Variants in DOCK4 observed in about 807,000 individuals in gnomAD.
The protein encoded by DOCK4 is dedicator of cytokinesis protein 4.
DOCK4 carries 97 observed loss-of-function variants against 268.1 expected under a neutral mutation model. The ratio of observed to expected loss-of-function variants is 0.36; its 90% CI spans 0.31 to 0.43. The LOEUF is 0.43. DOCK4 is among the 20% of genes least tolerant of loss of function. DOCK4 has a pLI of 1.00. For missense variants in DOCK4, 2,145 were observed against 2,455.7 expected (o/e 0.87, Z 2.67); for synonymous variants, 954 against 887.2 (o/e 1.08, Z -1.34).
intron 8 of DOCK4, among the ~76,000 whole-genome samples, chr7:111,954,559 C>T (rs1044693613): frequency 6.6e-6 from 1 of 152,082 alleles, no homozygotes; most frequent in Admixed American, 6.6e-5. Context: ...AGTCCCAAGG[C>T]GCAAGACCCA....
intron 1 of DOCK4, among the ~76,000 whole-genome samples, chr7:112,010,296 CTGG>C (rs1325194781): frequency 6.6e-6 from 1 of 152,202 alleles, no homozygotes; most frequent in Non-Finnish European, 1.5e-5. Flanking sequence ...TTCTAGCTGT[CTGG>C]GACAGGGCTG....
chr7:112,184,851 C>A (rs1188084926), intron 1 of DOCK4, among the ~76,000 whole-genome samples: 1 of 152,130 alleles, frequency 6.6e-6, no homozygotes, highest in Non-Finnish European at 1.5e-5. Flanking sequence ...TCACAACCAA[C>A]AATTTTAACT....
intron 17 of DOCK4, among the ~76,000 whole-genome samples, chr7:111,874,795 C>A (rs1378809656): frequency 6.6e-6 from 1 of 152,226 alleles, no homozygotes; most frequent in Non-Finnish European, 1.5e-5. Context: ...AGGTGCCCAG[C>A]ATAGTGCTCT....
intron 8 of DOCK4, among the ~76,000 whole-genome samples, chr7:111,949,340 T>C (rs1380784652): frequency 6.6e-6 from 1 of 152,196 alleles, no homozygotes; most frequent in East Asian, 1.9e-4. Context: ...CAATTCCATA[T>C]CTGTACATTT....
intron 42 of DOCK4, among the ~76,000 whole-genome samples, chr7:111,752,128 C>T (rs539961848): frequency 1.3e-5 from 2 of 152,240 alleles, no homozygotes; most frequent in Non-Finnish European, 2.9e-5. Context: ...AGTGATATGA[C>T]ATCTGAGATT....
At chr7:112,028,610 C>A (rs1392724066) in intron 1 of DOCK4, among the ~76,000 whole-genome samples, 1 of 152,180 alleles carries the variant, frequency 6.6e-6, no homozygotes, top group Admixed American at 6.5e-5. Context: ...AACTTTAACT[C>A]CAAAGGAAAG....
At chr7:111,773,256 AAGAT>A (rs775599902) in intron 36 of DOCK4, among the ~76,000 whole-genome samples, 1 of 152,212 alleles carries the variant, frequency 6.6e-6, no homozygotes, top group South Asian at 2.1e-4. Context: ...GAATCCTAGA[AAGAT>A]AGAAAAGTTC....
intron 1 of DOCK4, among the ~76,000 whole-genome samples, chr7:112,117,334 C>T (rs1812269810): frequency 2.0e-5 from 3 of 151,936 alleles, no homozygotes; most frequent in African/African-American, 4.8e-5. Context: ...TACAACCATG[C>T]TACCACTTTT....
intron 24 of DOCK4, among the ~76,000 whole-genome samples, chr7:111,845,849 G>A (rs567089253): frequency 6.6e-6 from 1 of 152,148 alleles, no homozygotes; most frequent in Non-Finnish European, 1.5e-5. Flanking sequence ...TTTACTCTCA[G>A]CAATTATAAT....
intron 6 of DOCK4, among the ~76,000 whole-genome samples, chr7:111,988,690 T>C (rs1432586301): frequency 6.6e-6 from 1 of 152,206 alleles, no homozygotes; most frequent in African/African-American, 2.4e-5. Context: ...ATGCCAAACC[T>C]AAAGCCTATT....
intron 32 of DOCK4, among the ~76,000 whole-genome samples, chr7:111,786,866 A>G (rs2133784639): frequency 6.6e-6 from 1 of 152,350 alleles, no homozygotes; most frequent in African/African-American, 2.4e-5. Flanking sequence ...CTCAGGTAGT[A>G]ATGACACTTA....
intron 26 of DOCK4, among the ~76,000 whole-genome samples, chr7:111,830,242 A>T (rs1341098346): frequency 6.6e-6 from 1 of 152,138 alleles, no homozygotes; most frequent in African/African-American, 2.4e-5. Flanking sequence ...CCTGGCCAAC[A>T]TGGTGAAACC....
At chr7:111,922,838 C>G (rs1253635506) in intron 12 of DOCK4, among the ~76,000 whole-genome samples, 1 of 152,186 alleles carries the variant, frequency 6.6e-6, no homozygotes, top group Non-Finnish European at 1.5e-5. Context: ...GCCTCAGCCT[C>G]CCATATTGCT....
intron 12 of DOCK4, among the ~76,000 whole-genome samples, chr7:111,927,773 T>C (rs1211061687): frequency 6.6e-6 from 1 of 152,170 alleles, no homozygotes; most frequent in Admixed American, 6.5e-5. Flanking sequence ...TCAGGACACA[T>C]TACCCTAAAA....
intron 16 of DOCK4, among the ~76,000 whole-genome samples, chr7:111,890,530 T>C (rs1562850814): frequency 1.3e-5 from 2 of 152,206 alleles, no homozygotes; most frequent in Non-Finnish European, 2.9e-5. Flanking sequence ...TGCAAATTTT[T>C]ATAGATTTCA....
intron 44 of DOCK4, among the ~76,000 whole-genome samples, chr7:111,742,522 T>C (rs1795987021): frequency 6.8e-6 from 1 of 146,874 alleles, no homozygotes; most frequent in Non-Finnish European, 1.5e-5. Context: ...CCGGCAATTC[T>C]CCCTTAAAGA....
chr7:111,895,121 CT>C (rs1278784682), intron 16 of DOCK4, among the ~76,000 whole-genome samples: 5 of 152,148 alleles, frequency 3.3e-5, no homozygotes, highest in African/African-American at 1.2e-4. Flanking sequence ...CTACAATACA[CT>C]TTGTTCCAAA....
At chr7:111,745,661 G>C (rs1796209629) in intron 44 of DOCK4, among the ~76,000 whole-genome samples, 1 of 124,370 alleles carries the variant, frequency 8.0e-6, no homozygotes. Context: ...TCCAGCCTGG[G>C]TGACAGAGGG....
At chr7:111,834,714 T>C in intron 25 of DOCK4, 28 bp from the exon 26 acceptor site, 4 of 1,403,720 alleles carry the variant, frequency 2.8e-6, no homozygotes, top group Non-Finnish European at 2.9e-6. Context: ...AAAGCATACA[T>C]TTTATTTTTA....
Sources: allele counts gnomAD v4.1 joint callset (sites outside exome capture counted in the v4.1 genomes callset), GRCh38; gene constraint gnomAD v4.1.1; transcripts MANE v1.5; gene names NCBI Gene and HGNC (gene_info 2026-07-23, HGNC 2026-07-21).